LRRK2: variants seen among roughly 807,000 people sequenced by gnomAD.
LRRK2 encodes the protein leucine-rich repeat serine/threonine-protein kinase 2.
Under a neutral mutation model 302.6 loss-of-function variants are expected in LRRK2, and 203 were observed. The observed-to-expected ratio is 0.67, with a 90% CI of 0.60 to 0.75. The LOEUF is 0.75. Ranked by LOEUF, LRRK2 falls within the 30% of genes least tolerant of loss-of-function variation. LRRK2 has a pLI of 0.00. For missense variants in LRRK2, 2,830 were observed against 2,951.0 expected (o/e 0.96, Z 0.95); for synonymous variants, 1,066 against 1,031.9 (o/e 1.03, Z -0.63).
chr12:40,281,375 ATGGTAGTGG>A (rs1473340689), intron 18 of LRRK2, among the ~76,000 whole-genome samples: 5 of 152,206 alleles, frequency 3.3e-5, no homozygotes, highest in African/African-American at 1.2e-4. Context: ...CAGCAGATTC[ATGGTAGTGG>A]TGGTAGTGGT....
rs770591392 is a variant in LRRK2, at chr12:40,354,338, C to A, written c.6616C>A (p.His2206Asn). 6.2e-7 allele frequency: 1 copy of A among 1,614,088 alleles called. No homozygotes were observed. The highest frequency in any genetic ancestry group is 8.5e-7 in the Non-Finnish European group (1 of 1,179,986). The change falls in exon 45 of 51, where the codon CAT (histidine) becomes AAT (asparagine). Residue 2206 changes from histidine (H) to asparagine (N), a missense_variant. Coordinates refer to ENST00000298910, the MANE Select transcript of LRRK2 (RefSeq NM_198578.4). ...TAGAATATTGTGCTTAGCCTTGGTG[C>A]ATCTTCCTGTTGAAAAGGAAAGCTG... ...DSRILCLALVHLPVEKESWIV... is the reference protein window; with the variant it reads ...DSRILCLALVNLPVEKESWIV...
chr12:40,274,891 G>C lies in LRRK2; in HGVS notation c.1839G>C (p.Leu613Phe). The C allele has an allele frequency of 6.2e-7, 1 of 1,612,520 alleles. No homozygotes were observed. The highest frequency in any genetic ancestry group is 1.1e-5 in the South Asian group (1 of 91,032). The change falls in exon 16 of 51, where the codon TTG becomes TTC. Residue 613 changes from leucine to phenylalanine, a missense_variant. Transcript: ENST00000298910. ...TGGGTTTAAGTCTTATAGGATACTT[G>C]ATTACAAAGAAGAATGTGTTCATAG... Reference protein sequence around the residue: ...QCLGLSLIGYLITKKNVFIGT... With the variant: ...QCLGLSLIGYFITKKNVFIGT...
Position 40,299,089 on chromosome 12 carries a change from A to G in LRRK2, c.3348-20A>G. On this transcript the variant is annotated intron_variant, in intron 24 of 50. Coordinates refer to ENST00000298910, the MANE Select transcript of LRRK2 (RefSeq NM_198578.4). ...TATGAATTTATGCAATTTAATCATT[A>G]TCTTGTCTCTTGTGACTAGAAATAA... The G allele has an allele frequency of 1.2e-6, 2 of 1,610,352 alleles. No individual in the cohort carries two copies. Among genetic ancestry groups the G allele is most frequent in the Non-Finnish European group, 1.7e-6 (2 of 1,177,794 alleles).
chr12:40,236,024 C>T (rs1341211979), intron 4 of LRRK2, among the ~76,000 whole-genome samples: 2 of 152,036 alleles, frequency 1.3e-5, no homozygotes, highest in African/African-American at 4.8e-5. Context: ...TATATATTAT[C>T]CCCAAATCTC....
rs71449755 is a variant in LRRK2 at position 40,225,024 on chromosome 12, G to A, written c.-108G>A. On this transcript the variant is annotated 5_prime_UTR_variant, in exon 1 of 51. Coordinates refer to ENST00000298910, the MANE Select transcript of LRRK2 (RefSeq NM_198578.4). ...GGCCCGCGGGGAGCGCTGGCTGCGG[G>A]CGGTGAGCTGAGCTCGCCCCCGGGG... 2 of 1,431,164 alleles carry A rather than the reference G, an allele frequency of 1.4e-6. No homozygotes were observed. The highest frequency in any genetic ancestry group is 2.8e-5 in the African/African-American group (2 of 70,986). 88.7% of individuals were successfully genotyped at this position (1,431,164 alleles called of 1,614,324 possible).
chr12:40,261,654 A>C (rs1424462871), intron 13 of LRRK2, among the ~76,000 whole-genome samples: 2 of 152,152 alleles, frequency 1.3e-5, no homozygotes, highest in Non-Finnish European at 2.9e-5. Context: ...GGTATCAACA[A>C]GTAACTATGG....
chr12:40,297,220 GAGCA>G (rs1944418440), intron 23 of LRRK2, among the ~76,000 whole-genome samples: 1 of 152,312 alleles, frequency 6.6e-6, no homozygotes, highest in Non-Finnish European at 1.5e-5. Context: ...TTTGTTAAAT[GAGCA>G]AGCAAAATAA....
chr12:40,304,077 A>C lies in LRRK2; in HGVS notation c.3720A>C (p.Lys1240Asn). The change falls in exon 27 of 51, where the codon AAA becomes AAC. Residue 1240 changes from lysine to asparagine, a missense_variant. Coordinates refer to ENST00000298910, the MANE Select transcript of LRRK2 (RefSeq NM_198578.4). Reference protein sequence around the residue: ...NQISILDLSEKAYLWSRVEKL... With the variant: ...NQISILDLSENAYLWSRVEKL... ...TCAGCATCTTGGACTTGAGTGAAAA[A>C]GCATATTTATGGTCTAGAGTAGAGA... is the stretch of plus-strand genomic sequence containing the variant. 6.2e-7 allele frequency: 1 copy of C among 1,613,724 alleles called. No homozygotes were observed. Among genetic ancestry groups the C allele is most frequent in the Non-Finnish European group, 8.5e-7 (1 of 1,179,732 alleles).
intron 7 of LRRK2, among the ~76,000 whole-genome samples, chr12:40,246,024 C>T (rs1005062457): frequency 2.0e-5 from 3 of 151,866 alleles, no homozygotes; most frequent in Non-Finnish European, 4.4e-5. Flanking sequence ...CCTTGTCTTG[C>T]TCTTTTTCCT....
At chr12:40,318,363 T>C (rs1046900631) in intron 33 of LRRK2, among the ~76,000 whole-genome samples, 1 of 151,992 alleles carries the variant, frequency 6.6e-6, no homozygotes, top group Admixed American at 6.6e-5. Context: ...ACAAACTCTT[T>C]AAAAAATAAG....
chr12:40,321,889 G>A (rs1482421728), intron 35 of LRRK2, 146 bp from the exon 36 acceptor site: 1 of 702,476 alleles, frequency 1.4e-6, no homozygotes, highest in African/African-American at 1.8e-5. Context: ...ATATTTAATA[G>A]ATATGGATGA....
intron 18 of LRRK2, among the ~76,000 whole-genome samples, chr12:40,279,188 A>T (rs1341912126): frequency 1.3e-5 from 1 of 78,402 alleles, no homozygotes; most frequent in East Asian, 3.3e-4. Flanking sequence ...TTATTAAATA[A>T]TCAATAAAGT....
intron 43 of LRRK2, 102 bp from the exon 44 acceptor site, chr12:40,351,437 G>T: frequency 9.2e-7 from 1 of 1,082,680 alleles, no homozygotes; most frequent in East Asian, 2.5e-5. Context: ...ACAGTTTTAG[G>T]TTTTGCTTGA....
intron 3 of LRRK2, among the ~76,000 whole-genome samples, chr12:40,234,369 C>CTTTTTT (rs35906443): frequency 7.0e-5 from 3 of 43,072 alleles, no homozygotes; most frequent in African/African-American, 2.8e-4. Context: ...GCTAAATTCA[C>CTTTTTT]TTTTTTTTTT....
At chr12:40,318,773 A>G (rs2114569) in intron 33 of LRRK2, among the ~76,000 whole-genome samples, 1 of 151,794 alleles carries the variant, frequency 6.6e-6, no homozygotes, top group African/African-American at 2.4e-5. Flanking sequence ...CTTAAAAAAC[A>G]CTAAAACAGC....
chr12:40,313,566 TATA>T (rs1945103969), intron 31 of LRRK2, among the ~76,000 whole-genome samples: 1 of 152,058 alleles, frequency 6.6e-6, no homozygotes, highest in African/African-American at 2.4e-5. Flanking sequence ...ATATTTAAAA[TATA>T]ATAATATCCA....
At chr12:40,226,158 ATG>A (rs1940867681) in intron 2 of LRRK2, among the ~76,000 whole-genome samples, 1 of 152,202 alleles carries the variant, frequency 6.6e-6, no homozygotes, top group Non-Finnish European at 1.5e-5. Context: ...AAAGAAAGTG[ATG>A]TCTTATGAGA....
At chr12:40,357,851 C>A (rs971604122) in intron 46 of LRRK2, among the ~76,000 whole-genome samples, 15 of 152,198 alleles carry the variant, frequency 9.9e-5, no homozygotes, top group African/African-American at 3.6e-4. Context: ...TAGCTTGTTG[C>A]AGCCTTGACC....
rs201620277 is a variant in LRRK2 at position 40,320,072 on chromosome 12, A to G, written c.4912A>G (p.Lys1638Glu). Residue 1638 changes from lysine to glutamate, a missense_variant, in exon 34 of 51, where the codon AAA becomes GAA. By Grantham distance (56) the Lys-to-Glu change is moderately conservative. Coordinates refer to ENST00000298910, the MANE Select transcript of LRRK2 (RefSeq NM_198578.4). ...RRDVEKFLSKKRKFPKNYMSQ... is the reference protein window; with the variant it reads ...RRDVEKFLSKERKFPKNYMSQ... ...AGATGTGGAAAAATTTCTTTCAAAA[A>G]AAAGGAAATTTCCAAAGAACTACAT... 15 of 1,611,508 alleles carry G rather than the reference A, an allele frequency of 9.3e-6. No individual in the cohort carries two copies. The South Asian group carries it at 1.3e-4, about 14-fold the overall frequency.
Sources: gnomAD v4.1 joint callset for allele counts (sites outside exome capture counted in the v4.1 genomes callset) on GRCh38, gnomAD v4.1.1 for gene constraint, MANE v1.5 for transcripts, NCBI Gene and HGNC (gene_info 2026-07-23, HGNC 2026-07-21) for gene names.